The following NELL1 variants were observed in gnomAD, a reference collection of about 807,000 sequenced individuals.
The protein encoded by NELL1 is neural EGFL like 1.
A neutral mutation model predicts 107.4 loss-of-function variants in NELL1; 76 were observed. The ratio of observed to expected loss-of-function variants is 0.71; its 90% CI spans 0.59 to 0.86. The LOEUF is 0.86. Ranked by LOEUF, NELL1 falls within the 40% of genes least tolerant of loss-of-function variation. NELL1 has a pLI of 0.00. For synonymous variants in NELL1, 353 were observed against 341.2 expected (o/e 1.03, Z -0.38); for missense variants, 1,024 against 1,005.5 (o/e 1.02, Z -0.25).
At chr11:21,163,143 G>A (rs1368611819) in intron 13 of NELL1, among the ~76,000 whole-genome samples, 1 of 152,090 alleles carries the variant, frequency 6.6e-6, no homozygotes, top group East Asian at 1.9e-4. Flanking sequence ...GTTCACATGG[G>A]GAATGTTAGG....
chr11:21,027,360 G>A (rs1036432637), intron 12 of NELL1, among the ~76,000 whole-genome samples: 5 of 151,198 alleles, frequency 3.3e-5, no homozygotes, highest in African/African-American at 1.2e-4. Context: ...CTCTATTTCT[G>A]GTTTTCTATC....
At chr11:21,478,692 T>G (rs766206912) in intron 15 of NELL1, among the ~76,000 whole-genome samples, 1 of 128,388 alleles carries the variant, frequency 7.8e-6, no homozygotes, top group Admixed American at 7.5e-5. Context: ...TCACACCAAG[T>G]TAAAAAAAAA....
intron 15 of NELL1, among the ~76,000 whole-genome samples, chr11:21,435,086 T>G (rs976318327): frequency 1.3e-5 from 2 of 151,794 alleles, no homozygotes; most frequent in South Asian, 2.1e-4. Context: ...TTTTTGTGGG[T>G]TTGTGGGGTT....
intron 14 of NELL1, among the ~76,000 whole-genome samples, chr11:21,311,394 A>G (rs1217381044): frequency 6.6e-6 from 1 of 152,112 alleles, no homozygotes; most frequent in Non-Finnish European, 1.5e-5. Flanking sequence ...ATTTTGCCCA[A>G]TTTGTCCTTC....
intron 12 of NELL1, among the ~76,000 whole-genome samples, chr11:21,100,025 T>G: frequency 6.6e-6 from 1 of 152,124 alleles, no homozygotes; most frequent in East Asian, 1.9e-4. Context: ...TTAGCCCTTT[T>G]TTTTTTTGAG....
Position 20,718,962 on chromosome 11 carries a change from A to G in NELL1, c.184+40902A>G, listed in dbSNP as rs150046313. Among the ~76,000 whole-genome samples, 110 of 152,296 alleles carry G rather than the reference A, an allele frequency of 7.2e-4. No homozygotes were observed. In the Middle Eastern group the frequency reaches 0.014, roughly 19 times the overall value. ...GGAGCAAGCTGACAGGGCAGCCTTT[A>G]TGTAGAACTTTGCTGGTGTTCTGAC... is the stretch of plus-strand genomic sequence containing the variant. On this transcript the variant is annotated intron_variant, in intron 2 of 19. Transcript: ENST00000357134.
intron 12 of NELL1, among the ~76,000 whole-genome samples, chr11:21,009,455 T>A (rs114045220): frequency 0.02 from 3,036 of 152,176 alleles, 120 homozygotes; most frequent in African/African-American, 0.07. Context: ...TTTGACCCTG[T>A]AAGTTCTCAT....
At chr11:21,378,226 G>A (rs1851522735) in intron 15 of NELL1, among the ~76,000 whole-genome samples, 1 of 148,092 alleles carries the variant, frequency 6.8e-6, no homozygotes, top group Non-Finnish European at 1.5e-5. Flanking sequence ...TCTAGATGTA[G>A]CATTTTAAAA....
chr11:21,040,044 A>G (rs922677366), intron 12 of NELL1, among the ~76,000 whole-genome samples: 4 of 151,944 alleles, frequency 2.6e-5, no homozygotes, highest in African/African-American at 9.7e-5. Context: ...ATAAAAATAT[A>G]TTTCCTCCTA....
intron 1 of NELL1, among the ~76,000 whole-genome samples, chr11:20,674,296 C>A (rs1853994061): frequency 6.6e-6 from 1 of 152,002 alleles, no homozygotes; most frequent in Admixed American, 6.6e-5. Context: ...GAATTGAGGA[C>A]CAGGGAGCTG....
intron 13 of NELL1, among the ~76,000 whole-genome samples, chr11:21,216,607 T>A (rs954817055): frequency 1.3e-5 from 2 of 152,180 alleles, no homozygotes; most frequent in African/African-American, 2.4e-5. Flanking sequence ...TCAAGGGACA[T>A]CATTTTGGAA....
chr11:20,882,384 A>G (rs945375643), intron 4 of NELL1, among the ~76,000 whole-genome samples: 1 of 152,196 alleles, frequency 6.6e-6, no homozygotes, highest in Non-Finnish European at 1.5e-5. Flanking sequence ...TACATACATT[A>G]TGGACCTTGT....
chr11:21,073,472 G>A (rs1204093502), intron 12 of NELL1, among the ~76,000 whole-genome samples: 1 of 152,300 alleles, frequency 6.6e-6, no homozygotes, highest in East Asian at 1.9e-4. Flanking sequence ...TGATTTTCAA[G>A]TTGAGTCCTT....
intron 19 of NELL1, among the ~76,000 whole-genome samples, chr11:21,573,681 T>A (rs75320881): frequency 6.6e-6 from 1 of 151,488 alleles, no homozygotes; most frequent in Non-Finnish European, 1.5e-5. Context: ...TAATTATGAC[T>A]AACTTAGGCT....
At chr11:21,347,213 G>A (rs938575647) in intron 14 of NELL1, among the ~76,000 whole-genome samples, 2 of 152,170 alleles carry the variant, frequency 1.3e-5, no homozygotes, top group South Asian at 2.1e-4. Flanking sequence ...GATGCTATGA[G>A]CTATGTGAAC....
At chr11:21,228,051 G>A (rs1290888351) in intron 13 of NELL1, among the ~76,000 whole-genome samples, 1 of 152,112 alleles carries the variant, frequency 6.6e-6, no homozygotes, top group Non-Finnish European at 1.5e-5. Flanking sequence ...TTATTTCCTT[G>A]AGGTTTCTAA....
intron 2 of NELL1, among the ~76,000 whole-genome samples, chr11:20,725,933 A>G (rs1055870476): frequency 1.3e-5 from 2 of 152,160 alleles, no homozygotes; most frequent in Admixed American, 1.3e-4. Context: ...CTCAGTGTCT[A>G]TTGTTGCCAT....
intron 12 of NELL1, among the ~76,000 whole-genome samples, chr11:21,007,615 G>A (rs1343233561): frequency 2.0e-5 from 3 of 151,808 alleles, no homozygotes; most frequent in Non-Finnish European, 4.4e-5. Flanking sequence ...TTAGAAACAA[G>A]GCAGCCAGAT....
intron 12 of NELL1, among the ~76,000 whole-genome samples, chr11:21,109,588 G>T (rs1855057184): frequency 6.6e-6 from 1 of 152,084 alleles, no homozygotes; most frequent in Non-Finnish European, 1.5e-5. Context: ...CAAGTCTGTG[G>T]TTAGCATACT....
Sources: allele counts gnomAD v4.1 joint callset (sites outside exome capture counted in the v4.1 genomes callset), GRCh38; gene constraint gnomAD v4.1.1; transcripts MANE v1.5; gene names NCBI Gene and HGNC (gene_info 2026-07-23, HGNC 2026-07-21).